The following ZFAND3 variants were observed in gnomAD, a reference collection of about 807,000 sequenced individuals.
The protein encoded by ZFAND3 is zinc finger AN1-type containing 3, also known as AN1-type zinc finger protein 3.
In ZFAND3, 10 loss-of-function variants were observed where a neutral mutation model predicts 29.6. That is an observed-to-expected ratio of 0.34 (90% CI 0.21 to 0.57). The LOEUF (loss-of-function observed/expected upper bound fraction) is 0.57. Ranked by LOEUF, ZFAND3 falls within the 20% of genes least tolerant of loss-of-function variation. ZFAND3 has a pLI of 0.86. For synonymous variants in ZFAND3, 128 were observed against 112.6 expected (o/e 1.14, Z -0.87); for missense variants, 230 against 304.5 (o/e 0.76, Z 1.82).
In ZFAND3 at chr6:38,153,281, A is replaced by G; in HGVS notation, c.*892A>G. On this transcript the variant is annotated 3_prime_UTR_variant, in exon 6 of 6. Coordinates refer to ENST00000287218, the MANE Select transcript of ZFAND3 (RefSeq NM_021943.3). ...TATATTGGGAGTTTTTTAAAAAGACATTTCATAGCCAACAAGAATCAGTAG... is the reference window on the plus strand; with the variant it reads ...TATATTGGGAGTTTTTTAAAAAGACGTTTCATAGCCAACAAGAATCAGTAG... 2 of 985,504 alleles carry G rather than the reference A, an allele frequency of 2.0e-6. No homozygotes were observed. Among genetic ancestry groups the G allele is most frequent in the Non-Finnish European group, 2.4e-6 (2 of 829,964 alleles). The allele number at this position is 985,504 out of a possible 1,614,324, so 61.0% of individuals were successfully genotyped here.
chr6:37,968,861 G>A (rs1762336489), intron 2 of ZFAND3, among the ~76,000 whole-genome samples: 1 of 152,162 alleles, frequency 6.6e-6, no homozygotes, highest in Non-Finnish European at 1.5e-5. Context: ...ACACCCGAGT[G>A]TGTCCAGTAA....
intron 4 of ZFAND3, among the ~76,000 whole-genome samples, chr6:38,108,181 T>C (rs1457778524): frequency 6.6e-6 from 1 of 152,184 alleles, no homozygotes; most frequent in African/African-American, 2.4e-5. Flanking sequence ...TTATTAGATA[T>C]CTGTGTATTC....
chr6:37,846,002 C>T (rs1197309961), intron 1 of ZFAND3, among the ~76,000 whole-genome samples: 1 of 152,198 alleles, frequency 6.6e-6, no homozygotes, highest in Non-Finnish European at 1.5e-5. Flanking sequence ...AGTGTTCTCT[C>T]ATCTCTACCT....
chr6:38,038,991 T>G (rs969035840), intron 2 of ZFAND3, among the ~76,000 whole-genome samples: 1 of 152,180 alleles, frequency 6.6e-6, no homozygotes, highest in African/African-American at 2.4e-5. Flanking sequence ...GGTTTGGTTT[T>G]AAGTATCAGA....
chr6:37,965,983 G>C (rs1762284926), intron 2 of ZFAND3, among the ~76,000 whole-genome samples: 1 of 152,068 alleles, frequency 6.6e-6, no homozygotes, highest in Non-Finnish European at 1.5e-5. Context: ...GGCTGGTCTT[G>C]AACTCCTGGG....
At chr6:38,124,424 G>C (rs535010683) in intron 5 of ZFAND3, among the ~76,000 whole-genome samples, 1 of 152,224 alleles carries the variant, frequency 6.6e-6, no homozygotes, top group Admixed American at 6.5e-5. Context: ...AGCCCACAGC[G>C]GGGGGCCAGG....
intron 4 of ZFAND3, among the ~76,000 whole-genome samples, chr6:38,093,792 T>C (rs943977752): frequency 1.3e-5 from 2 of 152,190 alleles, no homozygotes. Context: ...AAATCATTCA[T>C]TATGGAGTTA....
At chr6:37,935,766 T>G (rs1761687484) in intron 2 of ZFAND3, among the ~76,000 whole-genome samples, 1 of 152,194 alleles carries the variant, frequency 6.6e-6, no homozygotes, top group Admixed American at 6.5e-5. Flanking sequence ...CTAATTTGCT[T>G]TGTAAAATAG....
At chr6:38,066,100 T>C (rs1483400432) in intron 3 of ZFAND3, among the ~76,000 whole-genome samples, 5 of 152,202 alleles carry the variant, frequency 3.3e-5, no homozygotes, top group Non-Finnish European at 5.9e-5. Context: ...GCAAAGCTTT[T>C]TCAGGTCAGC....
intron 1 of ZFAND3, among the ~76,000 whole-genome samples, chr6:37,850,005 A>G (rs6910601): frequency 0.066 from 10,026 of 152,208 alleles, 410 homozygotes; most frequent in Non-Finnish European, 0.094. Flanking sequence ...GCGGGTACCT[A>G]TAAAATGGCT....
chr6:38,061,348 A>T (rs1163689775), intron 2 of ZFAND3, among the ~76,000 whole-genome samples: 1 of 152,172 alleles, frequency 6.6e-6, no homozygotes, highest in Non-Finnish European at 1.5e-5. Flanking sequence ...TTTGCACAGA[A>T]TGTTAAAATC....
At chr6:38,004,534 TACACAC>T (rs56068930) in intron 2 of ZFAND3, among the ~76,000 whole-genome samples, 3,503 of 147,248 alleles carry the variant, frequency 0.024, 54 homozygotes, top group Non-Finnish European at 0.034. Context: ...TAAAGCTGTC[TACACAC>T]ACACACACAC....
chr6:37,983,003 T>C (rs1244913051), intron 2 of ZFAND3, among the ~76,000 whole-genome samples: 1 of 152,212 alleles, frequency 6.6e-6, no homozygotes, highest in Non-Finnish European at 1.5e-5. Flanking sequence ...ATAAAAATGT[T>C]TTAAAATAGA....
chr6:37,882,068 A>G (rs957232053), intron 1 of ZFAND3, among the ~76,000 whole-genome samples: 2 of 152,166 alleles, frequency 1.3e-5, no homozygotes, highest in Admixed American at 1.3e-4. Context: ...TCTCTAAAGT[A>G]TGTCTCGTGC....
chr6:38,116,475 A>G, intron 4 of ZFAND3, 97 bp from the exon 5 acceptor site: 2 of 1,400,148 alleles, frequency 1.4e-6, no homozygotes, highest in Non-Finnish European at 2.0e-6. Flanking sequence ...GGACAAGGGC[A>G]GTAGCCTGGT....
intron 4 of ZFAND3, among the ~76,000 whole-genome samples, chr6:38,090,718 A>T (rs1403624230): frequency 1.3e-5 from 2 of 152,202 alleles, no homozygotes; most frequent in African/African-American, 4.8e-5. Flanking sequence ...CCCTGGAAGA[A>T]CTTTAATCAG....
intron 4 of ZFAND3, among the ~76,000 whole-genome samples, chr6:38,107,589 G>A (rs1222143937): frequency 1.3e-5 from 2 of 152,078 alleles, no homozygotes; most frequent in Admixed American, 1.3e-4. Flanking sequence ...CCCAGCACTT[G>A]GGGAGGCCGA....
At chr6:38,063,346 G>C (rs1012402062) in intron 3 of ZFAND3, among the ~76,000 whole-genome samples, 1 of 152,182 alleles carries the variant, frequency 6.6e-6, no homozygotes, top group Non-Finnish European at 1.5e-5. Flanking sequence ...TCAACCAAGA[G>C]TGATCTCCCA....
chr6:37,996,458 A>G (rs1351720322), intron 2 of ZFAND3, among the ~76,000 whole-genome samples: 4 of 152,192 alleles, frequency 2.6e-5, no homozygotes, highest in Non-Finnish European at 5.9e-5. Context: ...AACAGAACTA[A>G]TAGTTTAGCA....
Sources: allele counts gnomAD v4.1 joint callset (sites outside exome capture counted in the v4.1 genomes callset), GRCh38; gene constraint gnomAD v4.1.1; transcripts MANE v1.5; gene names NCBI Gene and HGNC (gene_info 2026-07-23, HGNC 2026-07-21).